The following SH3BP2 variants were observed in gnomAD, a reference collection of about 807,000 sequenced individuals.
SH3BP2 encodes SH3 domain binding protein 2, also known as SH3 domain-binding protein 2.
Under a neutral mutation model 56.2 loss-of-function variants are expected in SH3BP2, and 38 were observed. The ratio of observed to expected loss-of-function variants is 0.68; its 90% CI spans 0.52 to 0.89. SH3BP2 has a LOEUF of 0.89. SH3BP2 is among the 40% of genes least tolerant of loss of function. SH3BP2 has a pLI of 0.00. For synonymous variants in SH3BP2, 346 were observed against 316.7 expected (o/e 1.09, Z -0.98); for missense variants, 748 against 762.6 (o/e 0.98, Z 0.23).
chr4:2,793,652 G>A (rs887516127), intron 1 of SH3BP2: 3 of 152,060 alleles, frequency 2.0e-5, no homozygotes, highest in East Asian at 1.9e-4. Context: ...AGGCTGCGGC[G>A]GGCACTCGCT....
chr4:2,825,919 T>C (rs9685721), intron 5 of SH3BP2, among the ~76,000 whole-genome samples: 120,220 of 152,236 alleles, frequency 0.79, 48,479 homozygotes, highest in African/African-American at 0.95. Context: ...GATTGGGACT[T>C]CCTGGCCCGA....
At chr4:2,820,448 G>T (rs1279708823) in intron 1 of SH3BP2, among the ~76,000 whole-genome samples, 166 bp from the exon 2 acceptor site, 1 of 152,164 alleles carries the variant, frequency 6.6e-6, no homozygotes, top group Non-Finnish European at 1.5e-5. Context: ...TCTCCCTGGG[G>T]TCCCACCTGG....
In SH3BP2 at chr4:2,829,575, C is replaced by T; in HGVS notation, c.669C>T (p.Ala223=). 1 of 1,613,230 alleles carries T rather than the reference C, an allele frequency of 6.2e-7. No homozygotes were observed. The highest frequency in any genetic ancestry group is 1.1e-5 in the South Asian group (1 of 91,072). ...RKPAFSDMPR[A]HSFTSKGPGP... ...CAGCCTTCTCTGACATGCCCCGGGCCCACTCCTTTACCTCCAAGGGCCCCG... is the reference window on the plus strand; with the variant it reads ...CAGCCTTCTCTGACATGCCCCGGGCTCACTCCTTTACCTCCAAGGGCCCCG... Residue 223 remains alanine, a synonymous_variant, in exon 8 of 13, where the codon GCC becomes GCT. Coordinates refer to ENST00000503393, the MANE Select transcript of SH3BP2 (RefSeq NM_001122681.2). This position sits in a 1 kb window ranked among gnomAD's most constrained non-coding sequence, Gnocchi z 4.9.
At position 2,835,463 on chromosome 4, in the gene SH3BP2, C is replaced by A. The variant is rs914994603; in HGVS notation, c.*1629C>A. On this transcript the variant is annotated 3_prime_UTR_variant, in exon 13 of 13. Coordinates refer to ENST00000503393, the MANE Select transcript of SH3BP2 (RefSeq NM_001122681.2). The stretch of plus-strand genomic sequence containing the variant: ...AGAGGTCAGTGCACCACAGCCGAGG[C>A]TGGAGCACAGGGAGCTTCTGTTGTT... The A allele has an allele frequency of 1.3e-5, 2 of 152,172 alleles. No individual in the cohort carries two copies. Among genetic ancestry groups the A allele is most frequent in the Admixed American group, 1.3e-4 (2 of 15,274 alleles). The allele number at this position is 152,172 out of a possible 1,614,324, so 9.4% of individuals were successfully genotyped here.
chr4:2,825,335 G>A lies in SH3BP2; in HGVS notation c.428+139G>A, dbSNP rs190220055. 1.5e-3 allele frequency: 1,082 copies of A among 727,666 alleles called. 1 individual carries two copies. The highest frequency in any genetic ancestry group is 2.5e-3 in the Non-Finnish European group (993 of 400,852). 45.1% of individuals were successfully genotyped at this position (727,666 alleles called of 1,614,324 possible). ...TTCCTGGAGGTGCCAGCTGGGCTGC[G>A]TCTCTCTGCTCCTGTCTACAGATAA... On this transcript the variant is annotated intron_variant, in intron 5 of 12. Coordinates refer to ENST00000503393, the MANE Select transcript of SH3BP2 (RefSeq NM_001122681.2).
chr4:2,794,851 C>T (rs1335028370), intron 1 of SH3BP2, among the ~76,000 whole-genome samples: 1 of 152,206 alleles, frequency 6.6e-6, no homozygotes, highest in Non-Finnish European at 1.5e-5. Flanking sequence ...GGGATGCACG[C>T]ACACAAGCAG....
At chr4:2,794,940 C>A (rs1398722062) in intron 1 of SH3BP2, among the ~76,000 whole-genome samples, 1 of 152,122 alleles carries the variant, frequency 6.6e-6, no homozygotes, top group Non-Finnish European at 1.5e-5. Context: ...AGGAAGGGCG[C>A]AAACTCAGCC....
Position 2,820,772 on chromosome 4 carries a change from A to T in SH3BP2, c.136+19A>T, listed in dbSNP as rs1724259522. On this transcript the variant is annotated intron_variant, in intron 2 of 12. Transcript: ENST00000503393. ...CTGAAATGTGAGTCCCTGGGGTGGT[A>T]GGGTGCACAGTAGGAGGGCATGGGG... 2 of 1,609,426 alleles carry T rather than the reference A, an allele frequency of 1.2e-6. No individual in the cohort carries two copies. The highest frequency in any genetic ancestry group is 1.7e-6 in the Non-Finnish European group (2 of 1,177,714).
intron 1 of SH3BP2, among the ~76,000 whole-genome samples, chr4:2,813,574 A>C (rs1723858305): frequency 6.6e-6 from 1 of 152,200 alleles, no homozygotes; most frequent in African/African-American, 2.4e-5. Flanking sequence ...GGGCCCTGGC[A>C]GGGCTGGGAG....
intron 1 of SH3BP2, among the ~76,000 whole-genome samples, chr4:2,815,317 G>A (rs1489697466): frequency 6.6e-6 from 1 of 152,242 alleles, no homozygotes; most frequent in South Asian, 2.1e-4. Context: ...GAGAGGGGCT[G>A]TGGGTGTCAG....
At chr4:2,824,962 G>A in intron 4 of SH3BP2, 164 bp from the exon 5 acceptor site, 1 of 724,176 alleles carries the variant, frequency 1.4e-6, no homozygotes, top group Non-Finnish European at 2.4e-6. Context: ...CCTGGGAGGT[G>A]CCCCTGTGGG....
At chr4:2,818,327 G>A (rs892364986) in intron 1 of SH3BP2, 5 of 1,147,548 alleles carry the variant, frequency 4.4e-6, no homozygotes, top group African/African-American at 1.6e-5. Flanking sequence ...CCGTGCCGGT[G>A]CTCGCAGGGG....
intron 1 of SH3BP2, chr4:2,814,858 G>T (rs1723925230): frequency 6.6e-6 from 1 of 152,338 alleles, no homozygotes; most frequent in South Asian, 2.1e-4. Flanking sequence ...ATGGTGACAG[G>T]TCCCCCCAGG....
At chr4:2,828,422 CT>C (rs1560109857) in intron 7 of SH3BP2, among the ~76,000 whole-genome samples, 1 of 152,032 alleles carries the variant, frequency 6.6e-6, no homozygotes, top group South Asian at 2.1e-4. Context: ...GGTCCAGCCC[CT>C]CTTCTCCTGC....
chr4:2,818,306 G>C, intron 1 of SH3BP2: 1 of 1,085,274 alleles, frequency 9.2e-7, no homozygotes, highest in South Asian at 4.3e-5. Flanking sequence ...GCCGGGGGAC[G>C]CGGCCCGGGG....
rs1724847439 is a variant in SH3BP2, at chr4:2,829,366, G to A, written c.587-127G>A. On this transcript the variant is annotated intron_variant, in intron 7 of 12. Coordinates refer to ENST00000503393, the MANE Select transcript of SH3BP2 (RefSeq NM_001122681.2). This position sits in a 1 kb window ranked among gnomAD's most constrained non-coding sequence, Gnocchi z 4.9. The stretch of plus-strand genomic sequence containing the variant: ...GGAGTGCTGGGTGCTGGGCTGCTGG[G>A]TGGGCAGGCTGTGGGGTGGGCCTAC... 1.1e-6 allele frequency: 1 copy of A among 933,512 alleles called. No homozygotes were observed. Among genetic ancestry groups the A allele is most frequent in the Non-Finnish European group, 1.7e-6 (1 of 585,118 alleles). 57.8% of individuals were successfully genotyped at this position (933,512 alleles called of 1,614,324 possible). A position where few individuals can be genotyped will look rare whatever the true frequency, so the allele number is the denominator to read the frequency against.
rs1725230890 is a variant in SH3BP2 at position 2,836,297 on chromosome 4, A to C, written c.*2463A>C. 6.6e-6 allele frequency: 1 copy of C among 152,502 alleles called. No individual in the cohort carries two copies. The highest frequency in any genetic ancestry group is 1.5e-5 in the Non-Finnish European group (1 of 68,298). The allele number at this position is 152,502 out of a possible 1,614,324, so 9.4% of individuals were successfully genotyped here. A position where few individuals can be genotyped will look rare whatever the true frequency, so the allele number is the denominator to read the frequency against. ...ATGGGGCAGGCCGTGGTCCTCCAGC[A>C]TGAAGAAGGAGCCATGAGGAGTTCC... On this transcript the variant is annotated 3_prime_UTR_variant, in exon 13 of 13. Coordinates refer to ENST00000503393, the MANE Select transcript of SH3BP2 (RefSeq NM_001122681.2).
chr4:2,811,526 G>A (rs1316454030), intron 1 of SH3BP2, among the ~76,000 whole-genome samples: 1 of 152,226 alleles, frequency 6.6e-6, no homozygotes, highest in Non-Finnish European at 1.5e-5. Context: ...CTGCTTCCGG[G>A]CTCTGGGCCT....
At chr4:2,796,983 T>C (rs1723086463) in intron 1 of SH3BP2, among the ~76,000 whole-genome samples, 1 of 152,170 alleles carries the variant, frequency 6.6e-6, no homozygotes, top group Non-Finnish European at 1.5e-5. Context: ...GGGGTGAAAG[T>C]AGGTCTAACT....
Sources: allele counts gnomAD v4.1 joint callset (sites outside exome capture counted in the v4.1 genomes callset), GRCh38; gene constraint gnomAD v4.1.1; non-coding constraint Gnocchi (gnomAD v3.1); transcripts MANE v1.5; gene names NCBI Gene and HGNC (gene_info 2026-07-23, HGNC 2026-07-21).